The following GORASP2 variants were observed in gnomAD, a reference collection of about 807,000 sequenced individuals.
GORASP2 encodes the protein golgi reassembly stacking protein 2, also known as Golgi reassembly-stacking protein 2.
In GORASP2, 22 loss-of-function variants were observed where a neutral mutation model predicts 45.7. The observed-to-expected ratio is 0.48, with a 90% CI of 0.34 to 0.69. The LOEUF (loss-of-function observed/expected upper bound fraction) is 0.69, where lower values mean the gene tolerates loss of function less well. Among genes scored for constraint, GORASP2 ranks in the 30% least tolerant of loss-of-function variants. The pLI is 0.01. For missense variants in GORASP2, 491 were observed against 562.7 expected, an observed-to-expected ratio of 0.87 and a Z score of 1.29; for synonymous variants, 221 against 215.6, an observed-to-expected ratio of 1.02 and a Z score of -0.22.
intron 9 of GORASP2, 66 bp from the exon 10 acceptor site, chr2:170,965,724 C>T: frequency 9.1e-7 from 1 of 1,104,638 alleles, no homozygotes; most frequent in Non-Finnish European, 1.4e-6. Flanking sequence ...AAAAATAGCC[C>T]TTTGACAATG....
At chr2:170,929,936 C>T (rs545710183) in intron 1 of GORASP2, 1 of 363,122 alleles carries the variant, frequency 2.8e-6, no homozygotes, top group Non-Finnish European at 5.8e-6. Context: ...ACCAAATGGC[C>T]TGGAAGTAGG....
chr2:170,931,120 G>A (rs1703812672), intron 1 of GORASP2, among the ~76,000 whole-genome samples: 1 of 152,178 alleles, frequency 6.6e-6, no homozygotes, highest in Non-Finnish European at 1.5e-5. Context: ...TACATATTCA[G>A]TAGTGCAGAT....
rs1704694764 is a variant in GORASP2, at chr2:170,966,639, T to G, written c.*509T>G. 1 of 167,722 alleles carries G rather than the reference T, an allele frequency of 6.0e-6. No individual in the cohort carries two copies. Among genetic ancestry groups the G allele is most frequent in the Non-Finnish European group, 1.3e-5 (1 of 76,896 alleles). The allele number at this position is 167,722 out of a possible 1,614,324, so 10.4% of individuals were successfully genotyped here. On this transcript the variant is annotated 3_prime_UTR_variant, in exon 10 of 10. Coordinates refer to ENST00000234160, the MANE Select transcript of GORASP2 (RefSeq NM_015530.5). ...TCTCTACTAAGGTTTACACAGGAATTCCACCTGAAGACTTGTGTTAAAGTT... is the reference window on the plus strand; with the variant it reads ...TCTCTACTAAGGTTTACACAGGAATGCCACCTGAAGACTTGTGTTAAAGTT...
chr2:170,932,158 C>T (rs557560779), intron 1 of GORASP2, among the ~76,000 whole-genome samples: 31 of 152,170 alleles, frequency 2.0e-4, no homozygotes, highest in Non-Finnish European at 3.4e-4. Flanking sequence ...ACCTGGGAGG[C>T]GGAGGTTGCA....
intron 1 of GORASP2, among the ~76,000 whole-genome samples, chr2:170,930,774 T>C (rs1703804427): frequency 6.6e-6 from 1 of 152,142 alleles, no homozygotes; most frequent in Admixed American, 6.5e-5. Flanking sequence ...GAATTGTCAG[T>C]TCCCAAATGT....
intron 7 of GORASP2, among the ~76,000 whole-genome samples, 184 bp downstream of exon 7, chr2:170,956,743 A>T (rs951744593): frequency 2.0e-4 from 5 of 25,144 alleles, no homozygotes; most frequent in Admixed American, 1.8e-3. Flanking sequence ...CCACGTCTCT[A>T]AAAAAAAAAA....
chr2:170,960,837 G>T (rs1704540526), intron 7 of GORASP2, among the ~76,000 whole-genome samples: 1 of 152,170 alleles, frequency 6.6e-6, no homozygotes, highest in Non-Finnish European at 1.5e-5. Context: ...CTGCCTGCAT[G>T]GTTGGTTCAT....
intron 1 of GORASP2, among the ~76,000 whole-genome samples, chr2:170,935,276 A>G (rs1703920997): frequency 2.6e-5 from 4 of 151,642 alleles, no homozygotes; most frequent in Admixed American, 2.0e-4. Flanking sequence ...TTTCTTTGAG[A>G]TGGAGTCTTG....
intron 5 of GORASP2, chr2:170,954,347 A>G (rs1704372007): frequency 4.4e-6 from 1 of 227,354 alleles, no homozygotes; most frequent in Non-Finnish European, 8.5e-6. Context: ...TAGATAGTAA[A>G]TAAATATGCA....
At chr2:170,949,447 G>T in intron 2 of GORASP2, 92 bp from the exon 3 acceptor site, 1 of 785,814 alleles carries the variant, frequency 1.3e-6, no homozygotes, top group South Asian at 1.7e-5. Context: ...TATTTATGTT[G>T]ATTATTAATA....
At chr2:170,949,511 A>G in intron 2 of GORASP2, 28 bp from the exon 3 acceptor site, 1 of 1,560,392 alleles carries the variant, frequency 6.4e-7, no homozygotes, top group Non-Finnish European at 8.8e-7. Flanking sequence ...TTTATTTACT[A>G]AGGAATGTGA....
Position 170,965,811 on chromosome 2 carries a change from T to C in GORASP2, c.1040T>C (p.Met347Thr), listed in dbSNP as rs113817395. 6.2e-7 allele frequency: 1 copy of C among 1,613,964 alleles called. No individual in the cohort carries two copies. The highest frequency in any genetic ancestry group is 1.1e-5 in the South Asian group (1 of 91,078). ...CTAGGTCTGCCACCTCTTCCTTCCA[T>C]GCCTCCCCGAAACTTACCTGGCATT... ...VNPGLPPLPS[M>T]PPRNLPGIAP... Residue 347 changes from methionine (M) to threonine (T), a missense_variant, in exon 10 of 10, where the codon ATG becomes ACG. By Grantham distance (81) the Met-to-Thr change is moderately conservative (BLOSUM62 -1). Coordinates refer to ENST00000234160, the MANE Select transcript of GORASP2 (RefSeq NM_015530.5).
chr2:170,951,461 A>G lies in GORASP2; in HGVS notation c.566+3A>G. 6.2e-7 allele frequency: 1 copy of G among 1,603,478 alleles called. No homozygotes were observed. Among genetic ancestry groups the G allele is most frequent in the South Asian group, 1.1e-5 (1 of 89,110 alleles). On this transcript the variant is annotated splice_donor_region_variant and intron_variant, in intron 5 of 9. Transcript: ENST00000234160. ...TCTGCATGGGGTGGAGAAGGCAGGT[A>G]AGGTCATTTTTTAGACTAAGTTATG...
intron 1 of GORASP2, among the ~76,000 whole-genome samples, chr2:170,947,592 C>T (rs3770439): frequency 0.013 from 1,907 of 152,268 alleles, 55 homozygotes; most frequent in Admixed American, 0.058. Context: ...CCTCTTCTCA[C>T]CTATTCCTCA....
chr2:170,958,255 C>G (rs1406200758), intron 7 of GORASP2, among the ~76,000 whole-genome samples: 1 of 152,202 alleles, frequency 6.6e-6, no homozygotes, highest in Non-Finnish European at 1.5e-5. Context: ...CCTTTGCCTT[C>G]TTTGCTGGTT....
At chr2:170,936,776 G>T in intron 1 of GORASP2, 1 of 531,562 alleles carries the variant, frequency 1.9e-6, no homozygotes, top group Non-Finnish European at 3.3e-6. Context: ...AACATAATGA[G>T]ATCCGGTCTC....
chr2:170,965,828 C>T lies in GORASP2; in HGVS notation c.1057C>T (p.Pro353Ser), dbSNP rs990509510. 3.7e-6 allele frequency: 6 copies of T among 1,613,956 alleles called. No homozygotes were observed. In the Admixed American group the frequency reaches 5.0e-5, roughly 13 times the overall value. The change falls in exon 10 of 10, where the codon CCT becomes TCT. Residue 353 changes from proline (P) to serine (S), a missense_variant. Transcript: ENST00000234160. Reference protein sequence around the residue: ...PLPSMPPRNLPGIAPLPLPSE... With the variant: ...PLPSMPPRNLSGIAPLPLPSE... ...TCCTTCCATGCCTCCCCGAAACTTA[C>T]CTGGCATTGCACCTCTCCCCCTGCC... is the stretch of plus-strand genomic sequence containing the variant.
intron 1 of GORASP2, among the ~76,000 whole-genome samples, chr2:170,934,466 G>A (rs1458162775): frequency 6.6e-6 from 1 of 151,720 alleles, no homozygotes; most frequent in Non-Finnish European, 1.5e-5. Flanking sequence ...CACCATGTTG[G>A]CCAGGCTGTT....
At chr2:170,965,724 C>A in intron 9 of GORASP2, 66 bp from the exon 10 acceptor site, 1 of 1,104,636 alleles carries the variant, frequency 9.1e-7, no homozygotes, top group Non-Finnish European at 1.4e-6. Flanking sequence ...AAAAATAGCC[C>A]TTTGACAATG....
Sources: gnomAD v4.1 joint callset for allele counts (sites outside exome capture counted in the v4.1 genomes callset) on GRCh38, gnomAD v4.1.1 for gene constraint, MANE v1.5 for transcripts, NCBI Gene and HGNC (gene_info 2026-07-23, HGNC 2026-07-21) for gene names.